The following GRIA3 variants were observed in gnomAD, a reference collection of about 807,000 sequenced individuals.
GRIA3 encodes the protein glutamate receptor 3.
In GRIA3, 3 loss-of-function variants were observed where a neutral mutation model predicts 63.0. That is an observed-to-expected ratio of 0.05 (90% CI 0.02 to 0.12). The LOEUF is 0.12. Ranked by LOEUF, GRIA3 falls within the 10% of genes least tolerant of loss-of-function variation. The pLI is 1.00. For missense variants in GRIA3, 347 were observed against 700.9 expected (o/e 0.50, Z 5.70); for synonymous variants, 274 against 257.9 (o/e 1.06, Z -0.60).
chrX:123,193,249 C>CGG (rs969994008), intron 2 of GRIA3, among the ~76,000 whole-genome samples: 4 of 109,532 alleles, frequency 3.7e-5, no homozygotes, highest in Non-Finnish European at 7.6e-5. Context: ...CTCATGAGCC[C>CGG]GGGTGACACT....
At chrX:123,365,447 G>A (rs2045204325) in intron 5 of GRIA3, among the ~76,000 whole-genome samples, 1 of 111,035 alleles carries the variant, frequency 9.0e-6, no homozygotes, top group South Asian at 3.9e-4. Context: ...TGTAGATGAG[G>A]CCAGGGGAGC....
At chrX:123,211,863 C>T (rs1389086435) in intron 2 of GRIA3, among the ~76,000 whole-genome samples, 1 of 111,693 alleles carries the variant, frequency 9.0e-6, no homozygotes, top group Non-Finnish European at 1.9e-5. Context: ...CTCTCATACA[C>T]ACACATACTC....
At chrX:123,381,401 A>G (rs2045323320) in intron 5 of GRIA3, among the ~76,000 whole-genome samples, 2 of 111,919 alleles carry the variant, frequency 1.8e-5, no homozygotes, top group Admixed American at 1.9e-4. Flanking sequence ...TGGATATTAT[A>G]TCATCACCTG....
intron 3 of GRIA3, among the ~76,000 whole-genome samples, chrX:123,295,211 C>A (rs747826548): frequency 2.7e-5 from 3 of 111,449 alleles, no homozygotes; most frequent in Non-Finnish European, 5.7e-5. Flanking sequence ...TCAGCCTTTG[C>A]GAATGGGCCT....
intron 2 of GRIA3, among the ~76,000 whole-genome samples, chrX:123,196,705 C>T (rs1469001438): frequency 9.0e-6 from 1 of 111,583 alleles, no homozygotes; most frequent in African/African-American, 3.3e-5. Context: ...TTTGGGAACT[C>T]CTCTACCATA....
chrX:123,269,905 C>T (rs2044510506), intron 3 of GRIA3, among the ~76,000 whole-genome samples: 2 of 112,366 alleles, frequency 1.8e-5, no homozygotes, highest in Admixed American at 1.9e-4. Context: ...TCTTTATTCA[C>T]AAGCAAACGG....
At chrX:123,467,610 T>C (rs916745112) in intron 13 of GRIA3, among the ~76,000 whole-genome samples, 1 of 112,102 alleles carries the variant, frequency 8.9e-6, no homozygotes, top group Non-Finnish European at 1.9e-5. Context: ...TTGAGCTGGA[T>C]TGGATGCATT....
At chrX:123,261,849 G>T (rs2044461865) in intron 3 of GRIA3, among the ~76,000 whole-genome samples, 1 of 111,835 alleles carries the variant, frequency 8.9e-6, no homozygotes, top group Non-Finnish European at 1.9e-5. Flanking sequence ...TGCATTAGCT[G>T]TTTGAAATGG....
At chrX:123,370,524 T>C (rs368297212) in intron 5 of GRIA3, among the ~76,000 whole-genome samples, 1 of 111,621 alleles carries the variant, frequency 9.0e-6, no homozygotes, top group African/African-American at 3.3e-5. Flanking sequence ...CCAACGACCT[T>C]CACACATTTG....
chrX:123,410,705 T>C (rs2045500084), intron 10 of GRIA3, among the ~76,000 whole-genome samples: 1 of 111,635 alleles, frequency 9.0e-6, no homozygotes, highest in African/African-American at 3.3e-5. Flanking sequence ...GAAGGGCTGA[T>C]GATTTGATAA....
intron 2 of GRIA3, among the ~76,000 whole-genome samples, chrX:123,211,347 T>G (rs1172213820): frequency 9.0e-6 from 1 of 111,712 alleles, no homozygotes; most frequent in African/African-American, 3.3e-5. Context: ...GAAGTTTCCC[T>G]TCTCCTAATT....
intron 11 of GRIA3, 158 bp downstream of exon 11, chrX:123,417,936 T>C: frequency 1.9e-6 from 1 of 531,617 alleles, no homozygotes; most frequent in Non-Finnish European, 3.3e-6. Flanking sequence ...CTTATGTCCA[T>C]GAAGTGAGTG....
At chrX:123,330,265 T>G (rs1049087268) in intron 4 of GRIA3, among the ~76,000 whole-genome samples, 3 of 112,089 alleles carry the variant, frequency 2.7e-5, no homozygotes, top group African/African-American at 9.7e-5. Context: ...ATCCCAAATT[T>G]ACAGATGATA....
chrX:123,345,214 G>C (rs1248953100), intron 4 of GRIA3, among the ~76,000 whole-genome samples: 1 of 111,369 alleles, frequency 9.0e-6, no homozygotes, highest in Non-Finnish European at 1.9e-5. Context: ...AAGGCCAAGA[G>C]CTAGATGCTA....
At chrX:123,312,253 A>G (rs765769056) in intron 3 of GRIA3, among the ~76,000 whole-genome samples, 4 of 112,332 alleles carry the variant, frequency 3.6e-5, no homozygotes, top group Non-Finnish European at 7.5e-5. Flanking sequence ...GCATTCAGCT[A>G]TAATCCCTCA....
intron 4 of GRIA3, among the ~76,000 whole-genome samples, chrX:123,340,978 G>T (rs1444163730): frequency 8.9e-6 from 1 of 112,016 alleles, no homozygotes; most frequent in East Asian, 2.8e-4. Flanking sequence ...TTCAGCAAAG[G>T]GCACAGACCT....
intron 5 of GRIA3, among the ~76,000 whole-genome samples, chrX:123,378,879 T>G (rs968037860): frequency 9.0e-6 from 1 of 111,143 alleles, no homozygotes; most frequent in Non-Finnish European, 1.9e-5. Flanking sequence ...TATAACTGCC[T>G]GTCACCTTTC....
intron 2 of GRIA3, among the ~76,000 whole-genome samples, chrX:123,248,544 G>A (rs2044371587): frequency 8.9e-6 from 1 of 112,142 alleles, no homozygotes; most frequent in Non-Finnish European, 1.9e-5. Flanking sequence ...CCAGCACTTT[G>A]GGAGGCTGAG....
chrX:123,377,440 C>G (rs1393088793), intron 5 of GRIA3, among the ~76,000 whole-genome samples: 1 of 111,820 alleles, frequency 8.9e-6, no homozygotes, highest in Non-Finnish European at 1.9e-5. Flanking sequence ...CATGAAATAG[C>G]CAATTCCCTC....
Sources: gnomAD v4.1 joint callset for allele counts (sites outside exome capture counted in the v4.1 genomes callset) on GRCh38, gnomAD v4.1.1 for gene constraint, MANE v1.5 for transcripts, NCBI Gene and HGNC (gene_info 2026-07-23, HGNC 2026-07-21) for gene names.